The following PLCL1 variants were observed in gnomAD, a reference collection of about 807,000 sequenced individuals.
PLCL1 encodes the protein inactive phospholipase C-like protein 1.
A neutral mutation model predicts 84.4 loss-of-function variants in PLCL1; 41 were observed. The ratio of observed to expected loss-of-function variants is 0.49; its 90% CI spans 0.38 to 0.63. The LOEUF (loss-of-function observed/expected upper bound fraction) is 0.63. PLCL1 is among the 30% of genes least tolerant of loss of function. PLCL1 has a pLI of 0.00. For synonymous variants in PLCL1, 490 were observed against 488.3 expected (o/e 1.00, Z -0.05); for missense variants, 1,206 against 1,367.8 (o/e 0.88, Z 1.87).
In PLCL1 at chr2:197,805,828, A is replaced by T. The variant is rs1006309733; in HGVS notation, c.240+489A>T. 2.0e-5 allele frequency among the ~76,000 whole-genome samples: 3 copies of T among 152,214 alleles called. No individual in the cohort carries two copies. Among genetic ancestry groups the T allele is most frequent in the Non-Finnish European group, 2.9e-5 (2 of 68,044 alleles). On this transcript the variant is annotated intron_variant, in intron 1 of 5. Coordinates refer to ENST00000428675, the MANE Select transcript of PLCL1 (RefSeq NM_006226.4). The surrounding 1 kb of genome is among the most constrained non-coding windows in gnomAD (Gnocchi z 4.0). ...GTGAACTTTCCCGGTAGGGAGGCAG[A>T]GTTTTAAGTGGACCCTGCATCACAG...
chr2:198,146,796 T>G lies in PLCL1; in HGVS notation c.3122T>G (p.Leu1041Trp). ...ITVLKGQGDL[L>W]KNAKNEAIEN... is the part of the protein sequence containing the mutation. The stretch of plus-strand genomic sequence containing the variant: ...TGTTTGTAGGGCCAAGGAGATCTGT[T>G]GAAGAATGCCAAGAATGAAGCTATA... The change falls in exon 6 of 6, where the codon TTG becomes TGG. Residue 1041 changes from leucine to tryptophan, a missense_variant. Physicochemically the swap from Leu to Trp is moderately conservative, Grantham distance 61. Coordinates refer to ENST00000428675, the MANE Select transcript of PLCL1 (RefSeq NM_006226.4). 6.2e-7 allele frequency: 1 copy of G among 1,612,708 alleles called. No homozygotes were observed. The highest frequency in any genetic ancestry group is 8.5e-7 in the Non-Finnish European group (1 of 1,179,416).
At chr2:197,923,712 G>C (rs893698763) in intron 1 of PLCL1, among the ~76,000 whole-genome samples, 19 of 150,606 alleles carry the variant, frequency 1.3e-4, no homozygotes, top group African/African-American at 4.4e-4. Flanking sequence ...CATCCCAGAC[G>C]ATGGGCGGCC....
chr2:197,892,571 G>C (rs1355699130), intron 1 of PLCL1, among the ~76,000 whole-genome samples: 3 of 152,174 alleles, frequency 2.0e-5, no homozygotes, highest in African/African-American at 7.2e-5. Flanking sequence ...AACAAATAGG[G>C]ATTTAATGTT....
intron 1 of PLCL1, among the ~76,000 whole-genome samples, chr2:198,021,138 CT>C (rs1167539556): frequency 1.3e-5 from 2 of 152,158 alleles, no homozygotes; most frequent in Non-Finnish European, 2.9e-5. Flanking sequence ...CAACCTGTTC[CT>C]GAATGACTAC....
intron 1 of PLCL1, among the ~76,000 whole-genome samples, chr2:197,817,362 G>A (rs148106850): frequency 5.3e-4 from 81 of 151,828 alleles, no homozygotes; most frequent in African/African-American, 1.7e-3. Context: ...TTCTATGTGC[G>A]TGTGCGTGTG....
At chr2:198,003,374 A>T (rs1242873622) in intron 1 of PLCL1, among the ~76,000 whole-genome samples, 1 of 152,196 alleles carries the variant, frequency 6.6e-6, no homozygotes, top group African/African-American at 2.4e-5. Context: ...ACAGTTCTGC[A>T]CTTATGAGCA....
At chr2:197,807,186 G>T (rs1362866047) in intron 1 of PLCL1, among the ~76,000 whole-genome samples, 1 of 152,222 alleles carries the variant, frequency 6.6e-6, no homozygotes, top group East Asian at 1.9e-4. Flanking sequence ...TTGCAAAGGA[G>T]TGTGAAGGAA....
At chr2:198,102,922 G>A (rs1693380593) in intron 4 of PLCL1, among the ~76,000 whole-genome samples, 1 of 152,058 alleles carries the variant, frequency 6.6e-6, no homozygotes, top group Non-Finnish European at 1.5e-5. Flanking sequence ...GACAAAGGCT[G>A]AAGAAATGTG....
At chr2:197,983,732 A>G (rs1690165652) in intron 1 of PLCL1, among the ~76,000 whole-genome samples, 1 of 152,196 alleles carries the variant, frequency 6.6e-6, no homozygotes, top group African/African-American at 2.4e-5. Context: ...AGTTAGAATT[A>G]CGATTGTTTT....
intron 3 of PLCL1, among the ~76,000 whole-genome samples, chr2:198,093,637 G>T (rs1376433937): frequency 6.6e-6 from 1 of 152,114 alleles, no homozygotes; most frequent in East Asian, 1.9e-4. Context: ...TAAATTTTTG[G>T]ATTTCTTGAA....
chr2:197,876,217 T>C (rs527811650), intron 1 of PLCL1, among the ~76,000 whole-genome samples: 2 of 152,164 alleles, frequency 1.3e-5, no homozygotes, highest in African/African-American at 4.8e-5. Flanking sequence ...GCTAGGAATA[T>C]TACTATAACA....
intron 1 of PLCL1, among the ~76,000 whole-genome samples, chr2:198,077,285 G>A (rs1437381097): frequency 6.6e-6 from 1 of 151,922 alleles, no homozygotes; most frequent in Non-Finnish European, 1.5e-5. Context: ...GTATACATAT[G>A]TAACAAACCT....
intron 1 of PLCL1, among the ~76,000 whole-genome samples, chr2:198,060,877 G>A (rs1321286453): frequency 2.0e-5 from 3 of 152,136 alleles, no homozygotes; most frequent in Non-Finnish European, 4.4e-5. Context: ...TGAACATAAG[G>A]AATGTTAATC....
chr2:197,825,379 T>C (rs915663304), intron 1 of PLCL1, among the ~76,000 whole-genome samples: 1 of 152,204 alleles, frequency 6.6e-6, no homozygotes, highest in African/African-American at 2.4e-5. Flanking sequence ...TAGGCAGTAT[T>C]CTTTTAGCTA....
intron 1 of PLCL1, among the ~76,000 whole-genome samples, chr2:197,852,137 G>C (rs896672072): frequency 4.6e-5 from 7 of 152,058 alleles, no homozygotes; most frequent in African/African-American, 1.7e-4. Context: ...AGGTAGGAGG[G>C]ACTTAATAGC....
chr2:198,070,751 C>T (rs1692444279), intron 1 of PLCL1, among the ~76,000 whole-genome samples: 1 of 151,840 alleles, frequency 6.6e-6, no homozygotes, highest in African/African-American at 2.4e-5. Flanking sequence ...AACCGTTCTA[C>T]TTATGACTCA....
intron 5 of PLCL1, among the ~76,000 whole-genome samples, chr2:198,141,224 T>A (rs1173140458): frequency 6.6e-6 from 1 of 152,186 alleles, no homozygotes; most frequent in Non-Finnish European, 1.5e-5. Context: ...ATTTGGTTGC[T>A]GAGGTGTTGC....
chr2:198,075,273 A>G (rs1692552190), intron 1 of PLCL1, among the ~76,000 whole-genome samples: 1 of 152,192 alleles, frequency 6.6e-6, no homozygotes, highest in Non-Finnish European at 1.5e-5. Flanking sequence ...CTACCTATTA[A>G]TTTTAAATGT....
At chr2:198,027,326 A>G (rs1691293364) in intron 1 of PLCL1, among the ~76,000 whole-genome samples, 2 of 152,194 alleles carry the variant, frequency 1.3e-5, no homozygotes, top group South Asian at 2.1e-4. Flanking sequence ...AGCAAAGACT[A>G]GAATGGTGGT....
Sources: gnomAD v4.1 joint callset for allele counts (sites outside exome capture counted in the v4.1 genomes callset) on GRCh38, gnomAD v4.1.1 for gene constraint, Gnocchi (gnomAD v3.1) non-coding constraint, MANE v1.5 for transcripts, NCBI Gene and HGNC (gene_info 2026-07-23, HGNC 2026-07-21) for gene names.